Variants in SULF2 observed in about 807,000 individuals in gnomAD.
SULF2 encodes sulfatase 2.
Under a neutral mutation model 107.7 loss-of-function variants are expected in SULF2, and 52 were observed. The observed-to-expected ratio is 0.48, with a 90% CI of 0.39 to 0.61. SULF2 has a LOEUF of 0.61. Ranked by LOEUF, SULF2 falls within the 20% of genes least tolerant of loss-of-function variation. The pLI, the probability that SULF2 is intolerant of heterozygous loss-of-function variation, is 0.00. For synonymous variants in SULF2, 460 were observed against 464.3 expected, an observed-to-expected ratio of 0.99 and a Z score of 0.12; for missense variants, 993 against 1,177.3, an observed-to-expected ratio of 0.84 and a Z score of 2.29.
chr20:47,669,552 A>G (rs2087393670), intron 11 of SULF2, among the ~76,000 whole-genome samples: 1 of 152,226 alleles, frequency 6.6e-6, no homozygotes, highest in Non-Finnish European at 1.5e-5. Context: ...AGCCTGCTCT[A>G]GGCTGACTGC....
intron 2 of SULF2, among the ~76,000 whole-genome samples, chr20:47,746,686 G>A (rs922701612): frequency 6.6e-6 from 1 of 152,088 alleles, no homozygotes; most frequent in African/African-American, 2.4e-5. Flanking sequence ...TCCTTTGTAG[G>A]GACATGGATG....
chr20:47,735,019 C>T (rs941046244), intron 3 of SULF2, among the ~76,000 whole-genome samples: 4 of 152,164 alleles, frequency 2.6e-5, no homozygotes, highest in Non-Finnish European at 4.4e-5. Flanking sequence ...CAAAATGGCA[C>T]AGAATATATG....
chr20:47,737,946 G>A (rs1325299427), intron 2 of SULF2, among the ~76,000 whole-genome samples: 1 of 152,006 alleles, frequency 6.6e-6, no homozygotes, highest in Middle Eastern at 3.4e-3. Context: ...GTTTCGCCAT[G>A]TTGGCCAGGC....
chr20:47,661,847 T>A lies in SULF2; in HGVS notation c.2420A>T (p.His807Leu). Residue 807 changes from histidine to leucine, a missense_variant, in exon 18 of 21, where the codon CAC (histidine) becomes CTC (leucine). His to Leu is a moderately conservative substitution (Grantham distance 99, BLOSUM62 -3). This residue lies in a region of SULF2 where 497 missense variants were observed against 544.1 expected (regional missense o/e 0.91). Coordinates refer to ENST00000688720, the MANE Select transcript of SULF2 (RefSeq NM_001387048.1). The stretch of plus-strand genomic sequence containing the variant: ...GCTCCTCAGCTCCATGAGCTGTACG[T>A]GTAGCTGGTTGAGGACATCCCTGTC... ...TLDRDVLNQL[H>L]VQLMELRSCK... 6.3e-7 allele frequency: 1 copy of A among 1,595,624 alleles called. No homozygotes were observed. Among genetic ancestry groups the A allele is most frequent in the Non-Finnish European group, 8.6e-7 (1 of 1,167,710 alleles).
At chr20:47,783,319 C>T (rs1018334205) in intron 1 of SULF2, among the ~76,000 whole-genome samples, 1 of 152,232 alleles carries the variant, frequency 6.6e-6, no homozygotes, top group Non-Finnish European at 1.5e-5. Flanking sequence ...ATGGCCAAAG[C>T]TTGACAGAGT....
intron 1 of SULF2, among the ~76,000 whole-genome samples, chr20:47,767,469 AC>A (rs1419111128): frequency 2.6e-5 from 4 of 151,820 alleles, no homozygotes. Context: ...ACATGGTGAA[AC>A]CCCATCTCTA....
At chr20:47,748,211 C>G (rs2090087395) in intron 2 of SULF2, among the ~76,000 whole-genome samples, 1 of 152,230 alleles carries the variant, frequency 6.6e-6, no homozygotes, top group Admixed American at 6.5e-5. Flanking sequence ...CCCTTCATTC[C>G]CATGTCCTGC....
chr20:47,709,404 C>G (rs1236387312), intron 3 of SULF2, among the ~76,000 whole-genome samples: 1 of 152,246 alleles, frequency 6.6e-6, no homozygotes, highest in Admixed American at 6.5e-5. Context: ...AGAGCACTTA[C>G]TGCCTCCTGT....
chr20:47,676,401 GC>G (rs1971730375), intron 10 of SULF2, 92 bp downstream of exon 10: 1 of 1,443,042 alleles, frequency 6.9e-7, no homozygotes, highest in African/African-American at 1.4e-5. Context: ...GGAGGCCCTG[GC>G]CCTGCTGGCT....
At chr20:47,766,999 A>T (rs2146952614) in intron 1 of SULF2, among the ~76,000 whole-genome samples, 1 of 152,300 alleles carries the variant, frequency 6.6e-6, no homozygotes, top group South Asian at 2.1e-4. Context: ...AGAGCTGACA[A>T]ACAGCGGACA....
intron 3 of SULF2, among the ~76,000 whole-genome samples, chr20:47,729,820 G>T (rs1681790351): frequency 1.3e-5 from 2 of 152,164 alleles, no homozygotes; most frequent in Non-Finnish European, 2.9e-5. Context: ...GAGTGGCAGG[G>T]AAAGAGGGGC....
chr20:47,714,121 C>A (rs1425427544), intron 3 of SULF2, among the ~76,000 whole-genome samples: 1 of 152,210 alleles, frequency 6.6e-6, no homozygotes, highest in Non-Finnish European at 1.5e-5. Flanking sequence ...CCGTCCTTCC[C>A]AAAACAGACC....
At chr20:47,706,282 G>A (rs1345878806) in intron 3 of SULF2, among the ~76,000 whole-genome samples, 2 of 151,830 alleles carry the variant, frequency 1.3e-5, no homozygotes, top group African/African-American at 2.4e-5. Flanking sequence ...CCCTCCATGC[G>A]GGGGGGCTCC....
chr20:47,705,291 T>C (rs2088695293), intron 3 of SULF2, among the ~76,000 whole-genome samples: 1 of 152,072 alleles, frequency 6.6e-6, no homozygotes, highest in Non-Finnish European at 1.5e-5. Flanking sequence ...TGTGGGAGGA[T>C]GGAGCAAAAA....
intron 4 of SULF2, among the ~76,000 whole-genome samples, chr20:47,693,358 G>A (rs770195648): frequency 1.8e-4 from 27 of 152,174 alleles, no homozygotes; most frequent in Non-Finnish European, 1.5e-4. Flanking sequence ...GCTGCCACCC[G>A]CCAGTGGGGT....
chr20:47,661,674 G>C, intron 18 of SULF2, 99 bp downstream of exon 18: 2 of 1,272,832 alleles, frequency 1.6e-6, no homozygotes, highest in South Asian at 2.4e-5. Context: ...CCCAAAGCCT[G>C]GTGATTTCAG....
chr20:47,670,511 A>G (rs1389979382), intron 11 of SULF2, among the ~76,000 whole-genome samples: 1 of 150,724 alleles, frequency 6.6e-6, no homozygotes, highest in Non-Finnish European at 1.5e-5. Flanking sequence ...ATTCCAACAC[A>G]GGCTACCATG....
intron 3 of SULF2, among the ~76,000 whole-genome samples, chr20:47,722,158 C>T (rs73913443): frequency 0.033 from 4,966 of 152,244 alleles, 260 homozygotes; most frequent in African/African-American, 0.1. Flanking sequence ...GAACTAATTT[C>T]GATTATGTTT....
In SULF2 at chr20:47,683,137, C is replaced by T. The variant is rs1235788489; in HGVS notation, c.921G>A (p.Leu307=). The change falls in exon 7 of 21, where the codon CTG becomes CTA. Residue 307 remains leucine (L), a synonymous_variant. Transcript: ENST00000688720. ...CGGTGTATACGATGTACGTGTTGTC[C>T]AGCTCGCCCGTCTCAACCAGCATGT... ...IYNMLVETGE[L]DNTYIVYTAD... is the part of the protein sequence containing the mutation. 2 of 1,610,084 alleles carry T rather than the reference C, an allele frequency of 1.2e-6. No homozygotes were observed. The highest frequency in any genetic ancestry group is 1.7e-6 in the Non-Finnish European group (2 of 1,177,268).
Sources: gnomAD v4.1 joint callset for allele counts (sites outside exome capture counted in the v4.1 genomes callset) on GRCh38, gnomAD v4.1.1 for gene constraint, gnomAD v4.1.1 regional missense constraint, MANE v1.5 for transcripts, NCBI Gene and HGNC (gene_info 2026-07-23, HGNC 2026-07-21) for gene names.